The following CPLX2 variants were observed in gnomAD, a reference collection of about 807,000 sequenced individuals.
The protein encoded by CPLX2 is complexin 2.
A neutral mutation model predicts 16.3 loss-of-function variants in CPLX2; 5 were observed. The observed-to-expected ratio is 0.31, with a 90% CI of 0.16 to 0.64. CPLX2 has a LOEUF of 0.64. Ranked by LOEUF, CPLX2 falls within the 30% of genes least tolerant of loss-of-function variation. The pLI is 0.79. For synonymous variants in CPLX2, 89 were observed against 73.2 expected (o/e 1.22, Z -1.10); for missense variants, 144 against 181.4 (o/e 0.79, Z 1.18).
chr5:175,865,924 GTGT>G (rs1478716300), intron 2 of CPLX2, among the ~76,000 whole-genome samples: 1 of 152,210 alleles, frequency 6.6e-6, no homozygotes, highest in Non-Finnish European at 1.5e-5. Context: ...TTGACATATA[GTGT>G]TGTAGGGAGC....
chr5:175,797,639 G>T (rs745818488), intron 1 of CPLX2, among the ~76,000 whole-genome samples: 4 of 152,158 alleles, frequency 2.6e-5, no homozygotes, highest in Non-Finnish European at 5.9e-5. Context: ...TTCCGTAGGG[G>T]GAGGGGGCTG....
upstream of CPLX2, among the ~76,000 whole-genome samples, chr5:175,869,380 G>C (rs1437602040): frequency 6.6e-6 from 1 of 152,188 alleles, no homozygotes; most frequent in Non-Finnish European, 1.5e-5. Context: ...CCATCTTCCA[G>C]AGATAGAGAA....
intron 1 of CPLX2, among the ~76,000 whole-genome samples, chr5:175,803,079 G>T (rs1392858802): frequency 1.3e-5 from 2 of 152,142 alleles, no homozygotes; most frequent in African/African-American, 4.8e-5. Flanking sequence ...TGATCCGTTT[G>T]CTGGGATCCG....
At chr5:175,869,218 A>G (rs1202567610), upstream of CPLX2, among the ~76,000 whole-genome samples, 1 of 152,218 alleles carries the variant, frequency 6.6e-6, no homozygotes, top group African/African-American at 2.4e-5. Flanking sequence ...TGAAGTCACC[A>G]AAACTTGGCT....
At chr5:175,844,693 C>T (rs902087089) in intron 2 of CPLX2, among the ~76,000 whole-genome samples, 1 of 152,188 alleles carries the variant, frequency 6.6e-6, no homozygotes, top group Non-Finnish European at 1.5e-5. Context: ...CGGAGGCTGG[C>T]GGAGCTTGCT....
intron 1 of CPLX2, among the ~76,000 whole-genome samples, chr5:175,798,979 T>C (rs1758039996): frequency 6.6e-6 from 1 of 152,248 alleles, no homozygotes; most frequent in Admixed American, 6.5e-5. Context: ...ATGACCTTTC[T>C]ACCTCAATTC....
chr5:175,859,137 C>G (rs1759315915), intron 2 of CPLX2, among the ~76,000 whole-genome samples: 3 of 152,228 alleles, frequency 2.0e-5, no homozygotes, highest in Non-Finnish European at 2.9e-5. Context: ...AAAACAACAA[C>G]AAGCTAAGGA....
chr5:175,806,316 C>T (rs1232466176), intron 1 of CPLX2, among the ~76,000 whole-genome samples: 2 of 152,180 alleles, frequency 1.3e-5, no homozygotes, highest in Admixed American at 6.5e-5. Flanking sequence ...CCCTTCCTGC[C>T]TCACTATCCA....
intron 2 of CPLX2, among the ~76,000 whole-genome samples, chr5:175,820,782 T>A (rs1758491989): frequency 6.6e-6 from 1 of 152,132 alleles, no homozygotes; most frequent in Non-Finnish European, 1.5e-5. Flanking sequence ...ACCAGCTCCC[T>A]CCCTTCATGG....
chr5:175,811,858 A>G (rs1581069713), intron 2 of CPLX2, among the ~76,000 whole-genome samples: 1 of 152,224 alleles, frequency 6.6e-6, no homozygotes, highest in East Asian at 1.9e-4. Context: ...TTTAAAATCT[A>G]TTGGAACTCT....
At chr5:175,806,780 G>A (rs1758213584) in intron 1 of CPLX2, among the ~76,000 whole-genome samples, 1 of 151,988 alleles carries the variant, frequency 6.6e-6, no homozygotes, top group Admixed American at 6.6e-5. Context: ...TTACAGGTGT[G>A]AGCCACTGCG....
intron 1 of CPLX2, among the ~76,000 whole-genome samples, chr5:175,808,544 A>T (rs1758255115): frequency 6.6e-6 from 1 of 152,182 alleles, no homozygotes; most frequent in Admixed American, 6.5e-5. Flanking sequence ...AGCACTGAGT[A>T]TATGAGGCCA....
At chr5:175,825,458 G>A (rs527530395) in intron 2 of CPLX2, among the ~76,000 whole-genome samples, 18 of 152,046 alleles carry the variant, frequency 1.2e-4, no homozygotes, top group Admixed American at 3.3e-4. Flanking sequence ...GCATCCTCTC[G>A]CTCTATTCCC....
At chr5:175,867,884 A>AT (rs1316409670), upstream of CPLX2, among the ~76,000 whole-genome samples, 1 of 152,128 alleles carries the variant, frequency 6.6e-6, no homozygotes, top group East Asian at 1.9e-4. Context: ...GTACACTGGG[A>AT]CCCTCACAGT....
chr5:175,868,296 TCAC>T (rs1759514988), upstream of CPLX2, among the ~76,000 whole-genome samples: 2 of 152,200 alleles, frequency 1.3e-5, no homozygotes, highest in Non-Finnish European at 2.9e-5. Flanking sequence ...CTCTCACTGA[TCAC>T]CACGTTTATG....
chr5:175,872,717 T>G lies in CPLX2; in HGVS notation c.-89+1012T>G, dbSNP rs904023410. The G allele has an allele frequency of 6.6e-6, 1 of 150,580 alleles. No individual in the cohort carries two copies. Among genetic ancestry groups the G allele is most frequent in the African/African-American group, 2.5e-5 (1 of 40,796 alleles). 9.3% of individuals were successfully genotyped at this position (150,580 alleles called of 1,614,324 possible). ...GTGGGGACGGGGCGGGGGGAGGGGGTGGAGTGACATCCCCTGTCTCTGCCA... is the reference window on the plus strand; with the variant it reads ...GTGGGGACGGGGCGGGGGGAGGGGGGGGAGTGACATCCCCTGTCTCTGCCA... On this transcript the variant is annotated intron_variant, in intron 1 of 3. Transcript: ENST00000393745. This position sits in a 1 kb window ranked among gnomAD's most constrained non-coding sequence, Gnocchi z 5.0.
chr5:175,837,882 C>G (rs1758866848), intron 2 of CPLX2: 1 of 152,156 alleles, frequency 6.6e-6, no homozygotes, highest in Non-Finnish European at 1.5e-5. Flanking sequence ...TTGAACCAAA[C>G]AGAGAAGGTC....
chr5:175,827,164 G>A (rs1437077105), intron 2 of CPLX2, among the ~76,000 whole-genome samples: 1 of 152,114 alleles, frequency 6.6e-6, no homozygotes, highest in Non-Finnish European at 1.5e-5. Context: ...GCCCTTCCCT[G>A]CACCAATCAC....
At chr5:175,860,400 T>C (rs1299751181) in intron 2 of CPLX2, among the ~76,000 whole-genome samples, 2 of 138,286 alleles carry the variant, frequency 1.4e-5, no homozygotes, top group Non-Finnish European at 3.0e-5. Flanking sequence ...TCCAGTTCTG[T>C]CTCAAAAAAA....
Sources: gnomAD v4.1 joint callset for allele counts (sites outside exome capture counted in the v4.1 genomes callset) on GRCh38, gnomAD v4.1.1 for gene constraint, Gnocchi (gnomAD v3.1) non-coding constraint, MANE v1.5 for transcripts, NCBI Gene and HGNC (gene_info 2026-07-23, HGNC 2026-07-21) for gene names.